Variants in CHD4 observed in about 807,000 individuals in gnomAD.
CHD4 encodes the protein chromodomain helicase DNA binding protein 4, also known as ATP-dependent chromatin remodeler CHD4.
CHD4 carries 35 observed loss-of-function variants against 235.5 expected under a neutral mutation model. That is an observed-to-expected ratio of 0.15 (90% CI 0.11 to 0.20). The LOEUF is 0.20. Ranked by LOEUF, CHD4 falls within the 10% of genes least tolerant of loss-of-function variation. CHD4 has a pLI of 1.00. For missense variants in CHD4, 1,329 were observed against 2,432.3 expected (o/e 0.55, Z 9.54); for synonymous variants, 900 against 850.2 (o/e 1.06, Z -1.02).
At chr12:6,600,114 C>T in intron 9 of CHD4, 102 bp from the exon 10 acceptor site, 1 of 1,553,090 alleles carries the variant, frequency 6.4e-7, no homozygotes, top group South Asian at 1.2e-5. Context: ...AAGCTCACAA[C>T]CCGCAGCACC....
chr12:6,606,495 G>C lies in CHD4; in HGVS notation c.-78-44C>G, dbSNP rs577060713. The C allele has an allele frequency of 2.3e-5, 13 of 556,412 alleles. No individual in the cohort carries two copies. The South Asian group carries it at 2.7e-4, about 12-fold the overall frequency. The allele number at this position is 556,412 out of a possible 1,614,324, so 34.5% of individuals were successfully genotyped here. ...AGAAACACAGAACAGTCAGTGACGC[G>C]CACTGTCCCCCTCCCCCACACCCAC... On this transcript the variant is annotated intron_variant, in intron 1 of 39. Coordinates refer to ENST00000544040, the MANE Select transcript of CHD4 (RefSeq NM_001273.5).
intron 14 of CHD4, 89 bp from the exon 15 acceptor site, chr12:6,594,739 C>A (rs767452369): frequency 5.8e-6 from 7 of 1,210,670 alleles, no homozygotes; most frequent in South Asian, 1.5e-5. Context: ...CTAGTCTTCA[C>A]GGATCCTCTT....
intron 13 of CHD4, 147 bp from the exon 14 acceptor site, chr12:6,595,577 CAGG>C (rs1948475446): frequency 4.8e-6 from 3 of 620,218 alleles, no homozygotes; most frequent in Non-Finnish European, 8.4e-6. Flanking sequence ...CACCTGAGGT[CAGG>C]AGATCGAGAC....
intron 17 of CHD4, 104 bp downstream of exon 17, chr12:6,592,987 A>G: frequency 6.5e-7 from 1 of 1,541,590 alleles, no homozygotes; most frequent in Non-Finnish European, 8.8e-7. Context: ...AGGCAGAGAC[A>G]ATTTTCCCCT....
Position 6,593,140 on chromosome 12 carries a change from G to A in CHD4, c.2603C>T (p.Ala868Val). 1 of 1,614,138 alleles carries A rather than the reference G, an allele frequency of 6.2e-7. No individual in the cohort carries two copies. Among genetic ancestry groups the A allele is most frequent in the Non-Finnish European group, 8.5e-7 (1 of 1,180,024 alleles). The change falls in exon 17 of 40, where the codon GCC becomes GTC. Residue 868 changes from alanine to valine, a missense_variant. By Grantham distance (64) the Ala-to-Val change is moderately conservative (BLOSUM62 0). Coordinates refer to ENST00000544040, the MANE Select transcript of CHD4 (RefSeq NM_001273.5). This position sits in a 1 kb window ranked among gnomAD's most constrained non-coding sequence, Gnocchi z 4.9. ...ATGGGCTTCATCCACGATGAGGCAG[G>A]CCCAATCAATAGAGCCCAAAATAGC... ...DMAILGSIDW[A>V]CLIVDEAHRL...
intron 7 of CHD4, 122 bp from the exon 8 acceptor site, chr12:6,600,791 G>A (rs994638377): frequency 6.6e-7 from 1 of 1,504,504 alleles, no homozygotes; most frequent in Non-Finnish European, 9.0e-7. Context: ...TATACAGGGA[G>A]CCTAGTCTCA....
Position 6,593,628 on chromosome 12 carries a change from A to C in CHD4, c.2314-12T>G. 1 of 1,613,632 alleles carries C rather than the reference A, an allele frequency of 6.2e-7. No individual in the cohort carries two copies. Among genetic ancestry groups the C allele is most frequent in the Non-Finnish European group, 8.5e-7 (1 of 1,179,840 alleles). The stretch of plus-strand genomic sequence containing the variant: ...CCTTTGGAATGACCCTTTGAGAAAA[A>C]AGAGGAGAGTCAGGACTGAGGGCCC... On this transcript the variant is annotated splice_polypyrimidine_tract_variant and intron_variant, in intron 15 of 39. Coordinates refer to ENST00000544040, the MANE Select transcript of CHD4 (RefSeq NM_001273.5). The surrounding 1 kb of genome is among the most constrained non-coding windows in gnomAD (Gnocchi z 4.9).
intron 4 of CHD4, 26 bp from the exon 5 acceptor site, chr12:6,601,792 G>C: frequency 3.1e-6 from 5 of 1,600,220 alleles, no homozygotes; most frequent in Non-Finnish European, 4.3e-6. Context: ...AGTCAAGTAA[G>C]TACCTGCCAC....
Position 6,602,093 on chromosome 12 carries a change from C to A in CHD4, c.305G>T (p.Arg102Leu). Residue 102 changes from arginine to leucine, a missense_variant, in exon 4 of 40, where the codon CGC becomes CTC. Coordinates refer to ENST00000544040, the MANE Select transcript of CHD4 (RefSeq NM_001273.5). Reference sequence around the variant, plus strand: ...ATAGTCGCTGCCCTCACTGTCTGAGCGCAGAGCCACCTCTTCCTCCTCCTC... The same window carrying A: ...ATAGTCGCTGCCCTCACTGTCTGAGAGCAGAGCCACCTCTTCCTCCTCCTC... ...FVEEEEEVAL[R>L]SDSEGSDYTP... The A allele has an allele frequency of 6.2e-7, 1 of 1,613,490 alleles. No individual in the cohort carries two copies. Among genetic ancestry groups the A allele is most frequent in the Non-Finnish European group, 8.5e-7 (1 of 1,179,810 alleles).
chr12:6,605,254 A>G (rs1948671624), intron 2 of CHD4, among the ~76,000 whole-genome samples: 1 of 152,246 alleles, frequency 6.6e-6, no homozygotes, highest in South Asian at 2.1e-4. Flanking sequence ...GAAGAAAACT[A>G]GAAGCAGAAG....
chr12:6,606,178 G>C (rs1366197312), intron 2 of CHD4, 96 bp downstream of exon 2: 30 of 813,756 alleles, frequency 3.7e-5, no homozygotes, highest in Non-Finnish European at 5.7e-5. Flanking sequence ...TCTGCACAGA[G>C]ACAGCGGAGC....
At chr12:6,587,036 G>T (rs757958176) in intron 25 of CHD4, 1 of 206,462 alleles carries the variant, frequency 4.8e-6, no homozygotes, top group Non-Finnish European at 9.7e-6. Context: ...AAAACACAAA[G>T]AGATAGATTA....
chr12:6,583,150 C>A (rs1476453022), intron 26 of CHD4, 37 bp from the exon 27 acceptor site: 2 of 1,611,108 alleles, frequency 1.2e-6, no homozygotes, highest in South Asian at 2.2e-5. Context: ...GGGCCCACTG[C>A]TCTAGTGGAA....
intron 8 of CHD4, 61 bp from the exon 9 acceptor site, chr12:6,600,456 A>G: frequency 1.0e-6 from 1 of 967,150 alleles, no homozygotes; most frequent in Non-Finnish European, 1.5e-6. Flanking sequence ...CCACCCCCCG[A>G]CCCCTATCTC....
At chr12:6,582,015 C>G in intron 30 of CHD4, 122 bp downstream of exon 30, 1 of 1,211,060 alleles carries the variant, frequency 8.3e-7, no homozygotes, top group South Asian at 1.7e-5. Flanking sequence ...GTTGACCAGG[C>G]TAGTCTCTAA....
At position 6,582,955 on chromosome 12, in the gene CHD4, G is replaced by A; in HGVS notation, c.4148-19C>T. 1 of 1,612,622 alleles carries A rather than the reference G, an allele frequency of 6.2e-7. No homozygotes were observed. Among genetic ancestry groups the A allele is most frequent in the Non-Finnish European group, 8.5e-7 (1 of 1,179,394 alleles). On this transcript the variant is annotated intron_variant, in intron 27 of 39. Coordinates refer to ENST00000544040, the MANE Select transcript of CHD4 (RefSeq NM_001273.5). ...CGGGGAGCTGCAAGAAGAAAAAGAT[G>A]AATGAGTGACACAGGTAGGATATTA...
intron 12 of CHD4, among the ~76,000 whole-genome samples, chr12:6,596,833 G>A (rs1225014179): frequency 1.3e-5 from 2 of 151,602 alleles, no homozygotes; most frequent in African/African-American, 2.4e-5. Context: ...GGTGGCACAC[G>A]CCTGTAATCC....
At position 6,593,326 on chromosome 12, in the gene CHD4, T is replaced by A; in HGVS notation, c.2514+90A>T. On this transcript the variant is annotated intron_variant, in intron 16 of 39. Coordinates refer to ENST00000544040, the MANE Select transcript of CHD4 (RefSeq NM_001273.5). This position sits in a 1 kb window ranked among gnomAD's most constrained non-coding sequence, Gnocchi z 4.9. ...GTTTTCCTCCTCCCAGGGTTACCCT[T>A]TTGCCTCACCAGGGACCAGATCACA... 6.3e-7 allele frequency: 1 copy of A among 1,598,688 alleles called. No individual in the cohort carries two copies. The highest frequency in any genetic ancestry group is 8.6e-7 in the Non-Finnish European group (1 of 1,168,070).
intron 37 of CHD4, among the ~76,000 whole-genome samples, chr12:6,576,287 G>A (rs1310247082): frequency 6.6e-6 from 1 of 152,084 alleles, no homozygotes; most frequent in East Asian, 1.9e-4. Context: ...AACCCGGGAG[G>A]CAGAGGTTGC....
Sources: gnomAD v4.1 joint callset for allele counts (sites outside exome capture counted in the v4.1 genomes callset) on GRCh38, gnomAD v4.1.1 for gene constraint, Gnocchi (gnomAD v3.1) non-coding constraint, MANE v1.5 for transcripts, NCBI Gene and HGNC (gene_info 2026-07-23, HGNC 2026-07-21) for gene names.